The following MTMR9 variants were observed in gnomAD, a reference collection of about 807,000 sequenced individuals.
The protein encoded by MTMR9 is myotubularin related protein 9, also known as myotubularin-related protein 9.
Under a neutral mutation model 69.5 loss-of-function variants are expected in MTMR9, and 39 were observed. The ratio of observed to expected loss-of-function variants is 0.56; its 90% CI spans 0.43 to 0.73. The LOEUF (loss-of-function observed/expected upper bound fraction) is 0.73, where lower values mean the gene tolerates loss of function less well. Ranked by LOEUF, MTMR9 falls within the 30% of genes least tolerant of loss-of-function variation. The probability of loss-of-function intolerance (pLI) is 0.00; values close to 1 mark genes in which losing one functional copy is unlikely to be tolerated. For missense variants in MTMR9, 900 were observed against 671.2 expected (o/e 1.34, Z -3.77); for synonymous variants, 354 against 240.8 (o/e 1.47, Z -4.35).
At chr8:11,301,282 T>A (rs1799738870) in intron 3 of MTMR9, among the ~76,000 whole-genome samples, 1 of 151,926 alleles carries the variant, frequency 6.6e-6, no homozygotes, top group Admixed American at 6.6e-5. Flanking sequence ...ATCAAGAGAG[T>A]ATGGTATTGC....
intron 2 of MTMR9, 54 bp from the exon 3 acceptor site, chr8:11,299,969 A>G: frequency 1.9e-6 from 3 of 1,580,348 alleles, no homozygotes; most frequent in Non-Finnish European, 2.6e-6. Flanking sequence ...CAGTTAGAAT[A>G]TGTTTCCAGT....
chr8:11,285,343 T>C (rs751765247), intron 1 of MTMR9: 9 of 346,304 alleles, frequency 2.6e-5, no homozygotes, highest in Non-Finnish European at 4.2e-5. Flanking sequence ...GGGTGGATTT[T>C]CGGCATTGTC....
chr8:11,328,344 CGTGTGTGTGT>C (rs151066674), downstream of MTMR9, among the ~76,000 whole-genome samples: 2 of 90,894 alleles, frequency 2.2e-5, no homozygotes, highest in African/African-American at 6.0e-5. Context: ...TTTAATACCA[CGTGTGTGTGT>C]GTGTGTGTGT....
rs1360298199 is a variant in MTMR9 at position 11,316,705 on chromosome 8, G to A, written c.1146G>A (p.Gln382=). The change falls in exon 8 of 10, where the codon CAG becomes CAA. Residue 382 remains glutamine (Q), a synonymous_variant. Transcript: ENST00000221086. ...AGHPFQQRCA[Q]SAYCNTKQKW... Reference sequence around the variant, plus strand: ...ACCCATTCCAGCAGCGCTGTGCACAGTCAGCCTACTGTAACACCAAGCAGA... The same window carrying A: ...ACCCATTCCAGCAGCGCTGTGCACAATCAGCCTACTGTAACACCAAGCAGA... 1.2e-6 allele frequency: 2 copies of A among 1,612,550 alleles called. No homozygotes were observed. Among genetic ancestry groups the A allele is most frequent in the East Asian group, 2.2e-5 (1 of 44,786 alleles).
Position 11,285,052 on chromosome 8 carries a change from T to C in MTMR9, c.164T>C (p.Ile55Thr). The change falls in exon 1 of 10, where the codon ATC becomes ACC. Residue 55 changes from isoleucine to threonine, a missense_variant. By Grantham distance (89) the Ile-to-Thr change is moderately conservative. Coordinates refer to ENST00000221086, the MANE Select transcript of MTMR9 (RefSeq NM_015458.4). ...GAGCTGTGGCTCCTCCATTCAAACA[T>C]CGACGCCATCGACAAGCGGTGAGTG... ...TEELWLLHSNIDAIDKRFVGS... is the reference protein window; with the variant it reads ...TEELWLLHSNTDAIDKRFVGS... 1 of 1,606,678 alleles carries C rather than the reference T, an allele frequency of 6.2e-7. No individual in the cohort carries two copies. The highest frequency in any genetic ancestry group is 8.5e-7 in the Non-Finnish European group (1 of 1,176,130).
chr8:11,311,041 T>A (rs567157202), intron 6 of MTMR9, among the ~76,000 whole-genome samples: 1 of 152,268 alleles, frequency 6.6e-6, no homozygotes, highest in African/African-American at 2.4e-5. Context: ...CCATACAAAT[T>A]TGCCCTTATA....
At position 11,326,222 on chromosome 8, in the gene MTMR9, T is replaced by G. The variant is rs1342791340; in HGVS notation, c.*3434T>G. 6.6e-6 allele frequency: 1 copy of G among 151,432 alleles called. No homozygotes were observed. Among genetic ancestry groups the G allele is most frequent in the Non-Finnish European group, 1.5e-5 (1 of 67,880 alleles). The allele number at this position is 151,432 out of a possible 1,614,324, so 9.4% of individuals were successfully genotyped here. Reference sequence around the variant, plus strand: ...TTGTCTGGTTTCAGGGATAGCTGTTTGAATTGTCATTCTAAAGTAGGTCAT... The same window carrying G: ...TTGTCTGGTTTCAGGGATAGCTGTTGGAATTGTCATTCTAAAGTAGGTCAT... On this transcript the variant is annotated 3_prime_UTR_variant, in exon 10 of 10. Coordinates refer to ENST00000221086, the MANE Select transcript of MTMR9 (RefSeq NM_015458.4).
chr8:11,316,281 G>A (rs1223143568), intron 7 of MTMR9: 1 of 154,306 alleles, frequency 6.5e-6, no homozygotes, highest in African/African-American at 2.6e-5. Flanking sequence ...AATCTACAGT[G>A]TTAGACAGAG....
At chr8:11,334,797 CAGTT>C in the MTMR9 span, among the ~76,000 whole-genome samples, 1 of 152,156 alleles carries the variant, frequency 6.6e-6, no homozygotes, top group South Asian at 2.1e-4. Flanking sequence ...TTCAGCCAGT[CAGTT>C]AATGTAATCC....
chr8:11,285,778 A>G (rs902552147), intron 1 of MTMR9, among the ~76,000 whole-genome samples: 4 of 152,032 alleles, frequency 2.6e-5, no homozygotes, highest in African/African-American at 9.7e-5. Flanking sequence ...CAAAATTCCC[A>G]TCTCCTTAGT....
intron 2 of MTMR9, 140 bp from the exon 3 acceptor site, chr8:11,299,883 G>C (rs1449164990): frequency 1.0e-6 from 1 of 980,918 alleles, no homozygotes; most frequent in Non-Finnish European, 1.5e-6. Flanking sequence ...AATTGTATCT[G>C]GTGATAAACA....
At chr8:11,297,301 C>T (rs759504270) in intron 2 of MTMR9, among the ~76,000 whole-genome samples, 6 of 152,138 alleles carry the variant, frequency 3.9e-5, no homozygotes, top group Non-Finnish European at 8.8e-5. Context: ...TTCTTCCTGC[C>T]TTTGTTGAAT....
the MTMR9 span, among the ~76,000 whole-genome samples, chr8:11,333,583 A>G: frequency 2.0e-5 from 3 of 152,266 alleles, no homozygotes; most frequent in African/African-American, 7.2e-5. Context: ...TCCACGACAG[A>G]TAAATTCTAG....
In MTMR9 at chr8:11,327,392, A is replaced by G. The variant is rs1377168069; in HGVS notation, c.*4604A>G. ...TTCTCTTTAACCGTCTGCAGGTCTA[A>G]GGATTAACTATATTTGTGATTTGTA... On this transcript the variant is annotated 3_prime_UTR_variant, in exon 10 of 10. Transcript: ENST00000221086. 6.6e-6 allele frequency: 1 copy of G among 152,204 alleles called. No individual in the cohort carries two copies. The highest frequency in any genetic ancestry group is 1.5e-5 in the Non-Finnish European group (1 of 68,040). 9.4% of individuals were successfully genotyped at this position (152,204 alleles called of 1,614,324 possible).
chr8:11,312,239 GTGGTTTCTGT>G (rs1425727811), intron 6 of MTMR9, among the ~76,000 whole-genome samples: 2 of 151,798 alleles, frequency 1.3e-5, no homozygotes, highest in Non-Finnish European at 2.9e-5. Context: ...TAACAGAGAT[GTGGTTTCTGT>G]TTATTGCCCG....
downstream of MTMR9, among the ~76,000 whole-genome samples, chr8:11,329,415 C>G (rs961719707): frequency 1.3e-5 from 2 of 152,220 alleles, no homozygotes; most frequent in African/African-American, 4.8e-5. Context: ...ACCTCCCTGC[C>G]TGATTCTCCT....
chr8:11,292,791 C>T (rs1429935812), intron 1 of MTMR9, among the ~76,000 whole-genome samples: 1 of 152,068 alleles, frequency 6.6e-6, no homozygotes, highest in Non-Finnish European at 1.5e-5. Context: ...TATAATGGAC[C>T]TGAAAAGTTT....
chr8:11,311,045 C>T (rs942363184), intron 6 of MTMR9, among the ~76,000 whole-genome samples: 4 of 151,920 alleles, frequency 2.6e-5, no homozygotes, highest in Admixed American at 6.6e-5. Context: ...ACAAATTTGC[C>T]CTTATAATTA....
At chr8:11,292,928 C>T (rs952823250) in intron 1 of MTMR9, among the ~76,000 whole-genome samples, 8 of 152,152 alleles carry the variant, frequency 5.3e-5, no homozygotes, top group African/African-American at 9.7e-5. Context: ...GATCATAAAA[C>T]GACTTTGTTA....
Sources: allele counts gnomAD v4.1 joint callset (sites outside exome capture counted in the v4.1 genomes callset), GRCh38; gene constraint gnomAD v4.1.1; transcripts MANE v1.5; gene names NCBI Gene and HGNC (gene_info 2026-07-23, HGNC 2026-07-21).